Variants in CSMD1 observed in about 807,000 individuals in gnomAD.
CSMD1 encodes the protein CUB and sushi domain-containing protein 1.
Under a neutral mutation model 417.5 loss-of-function variants are expected in CSMD1, and 213 were observed. The ratio of observed to expected loss-of-function variants is 0.51; its 90% CI spans 0.46 to 0.57. The LOEUF (loss-of-function observed/expected upper bound fraction) is 0.57, where lower values mean the gene tolerates loss of function less well. Ranked by LOEUF, CSMD1 falls within the 20% of genes least tolerant of loss-of-function variation. The pLI is 0.00. For synonymous variants in CSMD1, 2,862 were observed against 1,736.8 expected (o/e 1.65, Z -16.11); for missense variants, 6,923 against 4,529.7 (o/e 1.53, Z -15.17).
At chr8:4,809,136 TA>T (rs1490648285) in intron 1 of CSMD1, among the ~76,000 whole-genome samples, 4 of 152,214 alleles carry the variant, frequency 2.6e-5, no homozygotes, top group Non-Finnish European at 5.9e-5. Context: ...CCATAGCTAT[TA>T]ATTCAGGGAC....
chr8:4,849,785 G>C (rs1245784696), intron 1 of CSMD1, among the ~76,000 whole-genome samples: 1 of 152,146 alleles, frequency 6.6e-6, no homozygotes, highest in African/African-American at 2.4e-5. Context: ...TGCACTCAAT[G>C]ATGTTCATAC....
At chr8:3,113,682 G>A (rs1218515725) in intron 42 of CSMD1, among the ~76,000 whole-genome samples, 2 of 152,242 alleles carry the variant, frequency 1.3e-5, no homozygotes, top group East Asian at 1.9e-4. Flanking sequence ...AAGTGGGAAG[G>A]GGGTACTTTT....
At chr8:4,706,577 T>C (rs542141155) in intron 1 of CSMD1, among the ~76,000 whole-genome samples, 22 of 152,362 alleles carry the variant, frequency 1.4e-4, no homozygotes, top group African/African-American at 5.3e-4. Flanking sequence ...ACTTATGCCA[T>C]GTTTAAATTA....
intron 3 of CSMD1, among the ~76,000 whole-genome samples, chr8:4,342,671 C>T (rs1349195293): frequency 1.3e-5 from 2 of 152,066 alleles, no homozygotes; most frequent in Non-Finnish European, 2.9e-5. Context: ...TAAACATGAA[C>T]TGGCTGCCCA....
At chr8:3,975,672 T>C (rs552104714) in intron 5 of CSMD1, among the ~76,000 whole-genome samples, 57 of 152,258 alleles carry the variant, frequency 3.7e-4, no homozygotes, top group African/African-American at 1.4e-3. Flanking sequence ...ATTCAGGAAA[T>C]GTACAGGAGA....
chr8:4,841,829 T>A (rs1371372121), intron 1 of CSMD1, among the ~76,000 whole-genome samples: 1 of 141,168 alleles, frequency 7.1e-6, no homozygotes, highest in Non-Finnish European at 1.5e-5. Context: ...GAGAATCGCT[T>A]GAACCTGGGA....
chr8:3,530,580 G>C (rs1797934710), intron 10 of CSMD1, among the ~76,000 whole-genome samples: 1 of 152,100 alleles, frequency 6.6e-6, no homozygotes, highest in Admixed American at 6.5e-5. Context: ...GGAATGCAGG[G>C]GTGTGAGCTA....
Position 4,994,375 on chromosome 8 carries a change from G to C in CSMD1, c.42C>G (p.Leu14=). The part of the protein sequence containing the change: ...WRRFQSLLLL[L]GLLVLCARLL... ...GCCTCGCGCACAGCACCAGCAGCCC[G>C]AGAAGCAGGAGCAGCGACTGGAATC... The change falls in exon 1 of 70, where the codon CTC becomes CTG. Residue 14 remains leucine (L), a synonymous_variant. Transcript: ENST00000635120. 6.2e-7 allele frequency: 1 copy of C among 1,612,106 alleles called. No homozygotes were observed. The highest frequency in any genetic ancestry group is 8.5e-7 in the Non-Finnish European group (1 of 1,179,844).
At chr8:3,107,023 G>C (rs1267998212) in intron 45 of CSMD1, 2 of 161,404 alleles carry the variant, frequency 1.2e-5, no homozygotes. Flanking sequence ...TCTGACCTTG[G>C]TACTTAGCAC....
chr8:4,671,500 T>C (rs910593553), intron 1 of CSMD1, among the ~76,000 whole-genome samples: 9 of 152,306 alleles, frequency 5.9e-5, no homozygotes, highest in South Asian at 2.1e-4. Flanking sequence ...ATAATAGCAG[T>C]GATGTCGGCA....
intron 3 of CSMD1, among the ~76,000 whole-genome samples, chr8:4,171,867 C>G (rs1258825945): frequency 6.6e-6 from 1 of 152,174 alleles, no homozygotes; most frequent in Non-Finnish European, 1.5e-5. Context: ...TCTCTCATTA[C>G]TTACATCAAA....
chr8:3,510,254 C>A (rs747270790), intron 10 of CSMD1, among the ~76,000 whole-genome samples: 2 of 151,822 alleles, frequency 1.3e-5, no homozygotes, highest in African/African-American at 4.9e-5. Flanking sequence ...TTCTGCGCCG[C>A]GTCCCTTGCC....
In CSMD1 at chr8:3,116,935, C is replaced by T. The variant is rs142567673; in HGVS notation, c.6430+1464G>A. Among the ~76,000 whole-genome samples, 24 of 151,882 alleles carry T rather than the reference C, an allele frequency of 1.6e-4. No homozygotes were observed. The East Asian group carries it at 4.3e-3, about 27-fold the overall frequency. On this transcript the variant is annotated intron_variant, in intron 42 of 69. Coordinates refer to ENST00000635120, the MANE Select transcript of CSMD1 (RefSeq NM_033225.6). ...AAAAAATGTTTTAATGAAAAACAGC[C>T]CAGATAGGTTACTGCTATCCTTATT...
intron 1 of CSMD1, among the ~76,000 whole-genome samples, chr8:4,664,095 C>T (rs146142896): frequency 6.6e-6 from 1 of 152,086 alleles, no homozygotes; most frequent in Non-Finnish European, 1.5e-5. Context: ...ATCGTACAGC[C>T]TCATCAGAGT....
chr8:3,748,049 C>T (rs1218297344), intron 6 of CSMD1, among the ~76,000 whole-genome samples: 1 of 152,122 alleles, frequency 6.6e-6, no homozygotes, highest in Non-Finnish European at 1.5e-5. Context: ...AGAAGGGGTA[C>T]TGGCTAATCG....
intron 10 of CSMD1, among the ~76,000 whole-genome samples, chr8:3,536,168 C>T (rs771487988): frequency 5.5e-4 from 83 of 152,168 alleles, no homozygotes; most frequent in South Asian, 2.1e-4. Flanking sequence ...TAGGAGAGCA[C>T]GGGGCTTTCA....
At chr8:3,295,541 C>T (rs1803901895) in intron 25 of CSMD1, among the ~76,000 whole-genome samples, 1 of 152,092 alleles carries the variant, frequency 6.6e-6, no homozygotes, top group African/African-American at 2.4e-5. Context: ...TACTAAAGGT[C>T]AGTTTGTTTC....
rs34134162 is a variant in CSMD1 at position 4,548,838 on chromosome 8, T to TG, written c.302+88503dup. ...TATGGAGAGCATACTGCCTTGGTCT[T>TG]GGGGGGACATGTGATGCGCGCAGGA... On this transcript the variant is annotated intron_variant, in intron 2 of 69. Coordinates refer to ENST00000635120, the MANE Select transcript of CSMD1 (RefSeq NM_033225.6). Among the ~76,000 whole-genome samples, 156 of 152,212 alleles carry TG rather than the reference T, an allele frequency of 1.0e-3. 1 individual carries two copies. Among genetic ancestry groups the TG allele is most frequent in the African/African-American group, 3.5e-3 (145 of 41,526 alleles).
intron 3 of CSMD1, among the ~76,000 whole-genome samples, chr8:4,178,102 C>T (rs1798153538): frequency 6.6e-6 from 1 of 152,148 alleles, no homozygotes; most frequent in Non-Finnish European, 1.5e-5. Context: ...CATCCTGATA[C>T]CAAAGCCTGG....
Sources: allele counts gnomAD v4.1 joint callset (sites outside exome capture counted in the v4.1 genomes callset), GRCh38; gene constraint gnomAD v4.1.1; transcripts MANE v1.5; gene names NCBI Gene and HGNC (gene_info 2026-07-23, HGNC 2026-07-21).